The following DPF3 variants were observed in gnomAD, a reference collection of about 807,000 sequenced individuals.
DPF3 encodes double PHD fingers 3.
Under a neutral mutation model 56.8 loss-of-function variants are expected in DPF3, and 18 were observed. The observed-to-expected ratio is 0.32, with a 90% CI of 0.22 to 0.47. The LOEUF (loss-of-function observed/expected upper bound fraction) is 0.47. DPF3 is among the 20% of genes least tolerant of loss of function. The pLI is 1.00. For synonymous variants in DPF3, 188 were observed against 180.2 expected, an observed-to-expected ratio of 1.04 and a Z score of -0.35; for missense variants, 403 against 488.8, an observed-to-expected ratio of 0.82 and a Z score of 1.65.
At chr14:72,734,674 A>G (rs1889815385) in intron 3 of DPF3, among the ~76,000 whole-genome samples, 1 of 152,182 alleles carries the variant, frequency 6.6e-6, no homozygotes, top group South Asian at 2.1e-4. Flanking sequence ...TAGATCATCT[A>G]ATTCAATCAT....
intron 1 of DPF3, among the ~76,000 whole-genome samples, chr14:72,867,834 G>A (rs903681898): frequency 1.3e-5 from 2 of 152,188 alleles, no homozygotes; most frequent in African/African-American, 4.8e-5. Flanking sequence ...TACCTCCCAG[G>A]CTCAAGGGAT....
intron 2 of DPF3, among the ~76,000 whole-genome samples, chr14:72,754,229 C>G (rs534896276): frequency 6.6e-6 from 1 of 152,080 alleles, no homozygotes; most frequent in African/African-American, 2.4e-5. Context: ...GGAAATGGGG[C>G]GGGGAAGAGG....
intron 1 of DPF3, among the ~76,000 whole-genome samples, chr14:72,848,671 A>C (rs1322904791): frequency 6.6e-6 from 1 of 152,214 alleles, no homozygotes; most frequent in African/African-American, 2.4e-5. Context: ...CCAGGGCTAA[A>C]CAAACTGATT....
intron 1 of DPF3, among the ~76,000 whole-genome samples, chr14:72,883,982 T>TG (rs1390699957): frequency 4.0e-5 from 6 of 150,646 alleles, no homozygotes; most frequent in Admixed American, 3.3e-4. Context: ...TGACCTCCAA[T>TG]GCCAACAGCT....
chr14:72,793,338 A>T (rs1289616277), intron 1 of DPF3, among the ~76,000 whole-genome samples: 1 of 152,246 alleles, frequency 6.6e-6, no homozygotes, highest in Non-Finnish European at 1.5e-5. Context: ...GGGGAGAGAC[A>T]GCTGAGGTCA....
chr14:72,839,305 C>A (rs1009198645), intron 1 of DPF3, among the ~76,000 whole-genome samples: 3 of 152,036 alleles, frequency 2.0e-5, no homozygotes, highest in African/African-American at 7.2e-5. Flanking sequence ...GAGGGACTCC[C>A]AAGTAATATC....
chr14:72,731,588 G>A (rs934132597), intron 4 of DPF3: 3 of 571,430 alleles, frequency 5.2e-6, no homozygotes, highest in Middle Eastern at 4.9e-4. Flanking sequence ...AGACAGAAGA[G>A]AGGGAAGGGA....
chr14:72,839,804 A>G (rs935573558), intron 1 of DPF3, among the ~76,000 whole-genome samples: 4 of 152,306 alleles, frequency 2.6e-5, no homozygotes, highest in African/African-American at 7.2e-5. Context: ...GAAGTAGCAA[A>G]ACCTGCACTG....
At chr14:72,668,526 A>G (rs1187408450) in intron 8 of DPF3, among the ~76,000 whole-genome samples, 1 of 152,236 alleles carries the variant, frequency 6.6e-6, no homozygotes, top group African/African-American at 2.4e-5. Context: ...AAGCTATACT[A>G]TTAAATATAA....
intron 2 of DPF3, among the ~76,000 whole-genome samples, chr14:72,755,299 G>A (rs1475687543): frequency 6.6e-6 from 1 of 152,170 alleles, no homozygotes; most frequent in Non-Finnish European, 1.5e-5. Flanking sequence ...ACTGTGCTTG[G>A]TGGTCAGCGG....
intron 8 of DPF3, among the ~76,000 whole-genome samples, chr14:72,657,249 T>C (rs1441699061): frequency 6.6e-6 from 1 of 152,232 alleles, no homozygotes; most frequent in Admixed American, 6.5e-5. Context: ...GCCCCACTCA[T>C]TGTCTCCTAT....
At chr14:72,660,249 G>A (rs2153569173) in intron 8 of DPF3, among the ~76,000 whole-genome samples, 1 of 152,190 alleles carries the variant, frequency 6.6e-6, no homozygotes, top group East Asian at 1.9e-4. Context: ...AAAACCCTAA[G>A]GAGGGCACCA....
In DPF3 at chr14:72,827,350, C is replaced by T. The variant is rs1883852214; in HGVS notation, c.33-55457G>A. 2.0e-5 allele frequency among the ~76,000 whole-genome samples: 3 copies of T among 152,156 alleles called. 1 individual carries two copies. Among genetic ancestry groups the T allele is most frequent in the African/African-American group, 7.2e-5 (3 of 41,494 alleles). On this transcript the variant is annotated intron_variant, in intron 1 of 10. Coordinates refer to ENST00000556509, the MANE Select transcript of DPF3 (RefSeq NM_001280542.3). ...TAGAGGCCTCCAGGCAGGTCCATGC[C>T]ACTGAGTCACATTTCAAGCTGTGTT...
At chr14:72,720,539 C>A (rs897787612) in intron 5 of DPF3, among the ~76,000 whole-genome samples, 2 of 152,172 alleles carry the variant, frequency 1.3e-5, no homozygotes, top group Admixed American at 6.5e-5. Flanking sequence ...GGGCCCAGAG[C>A]CAGTCTAGGC....
intron 1 of DPF3, among the ~76,000 whole-genome samples, chr14:72,803,059 AGT>A (rs1467954414): frequency 6.6e-6 from 1 of 152,232 alleles, no homozygotes; most frequent in Non-Finnish European, 1.5e-5. Flanking sequence ...GTTAAATGCA[AGT>A]GTCAGATGGA....
chr14:72,773,216 T>A (rs1368028938), intron 1 of DPF3, among the ~76,000 whole-genome samples: 1 of 146,166 alleles, frequency 6.8e-6, no homozygotes, highest in Non-Finnish European at 1.5e-5. Flanking sequence ...CACTGCAACC[T>A]CCACCTCCTG....
intron 8 of DPF3, 200 bp downstream of exon 8, chr14:72,674,040 C>T: frequency 1.4e-6 from 1 of 738,398 alleles, no homozygotes; most frequent in Non-Finnish European, 2.0e-6. Context: ...TTGCCCTTTC[C>T]CCCGGATCCT....
intron 1 of DPF3, among the ~76,000 whole-genome samples, chr14:72,777,087 A>C (rs778710455): frequency 2.6e-5 from 4 of 152,178 alleles, no homozygotes; most frequent in Non-Finnish European, 4.4e-5. Context: ...AGATAAGCAG[A>C]GCTGAAGAGA....
intron 7 of DPF3, among the ~76,000 whole-genome samples, chr14:72,692,696 T>C (rs1006113443): frequency 2.0e-5 from 3 of 152,222 alleles, no homozygotes; most frequent in African/African-American, 7.2e-5. Flanking sequence ...TTCGAATGTG[T>C]GTCTGAACTG....
Sources: allele counts gnomAD v4.1 joint callset (sites outside exome capture counted in the v4.1 genomes callset), GRCh38; gene constraint gnomAD v4.1.1; transcripts MANE v1.5; gene names NCBI Gene and HGNC (gene_info 2026-07-23, HGNC 2026-07-21).